The following FOXP2 variants were observed in gnomAD, a reference collection of about 807,000 sequenced individuals.
The protein encoded by FOXP2 is forkhead box P2, also known as forkhead box protein P2.
In FOXP2, 12 loss-of-function variants were observed where a neutral mutation model predicts 115.8. That is an observed-to-expected ratio of 0.10 (90% CI 0.07 to 0.17). The LOEUF (loss-of-function observed/expected upper bound fraction) is 0.17, where lower values mean the gene tolerates loss of function less well. Ranked by LOEUF, FOXP2 falls within the 10% of genes least tolerant of loss-of-function variation. The probability of loss-of-function intolerance (pLI) is 1.00; values close to 1 mark genes in which losing one functional copy is unlikely to be tolerated. For missense variants in FOXP2, 629 were observed against 843.5 expected (o/e 0.75, Z 3.15); for synonymous variants, 328 against 297.7 (o/e 1.10, Z -1.05).
At chr7:114,258,206 C>T (rs762782829) in intron 1 of FOXP2, among the ~76,000 whole-genome samples, 8 of 151,984 alleles carry the variant, frequency 5.3e-5, no homozygotes, top group Non-Finnish European at 1.2e-4. Context: ...GGTAGTGGTG[C>T]AGGTAATGGC....
intron 1 of FOXP2, among the ~76,000 whole-genome samples, chr7:114,420,589 T>C (rs1178574359): frequency 6.6e-6 from 1 of 151,894 alleles, no homozygotes; most frequent in African/African-American, 2.4e-5. Context: ...TCTTTAGTTT[T>C]TAAGTCCTCC....
chr7:114,687,212 T>G (rs1439185349), intron 16 of FOXP2, among the ~76,000 whole-genome samples: 1 of 152,214 alleles, frequency 6.6e-6, no homozygotes, highest in Non-Finnish European at 1.5e-5. Context: ...AACTTCCCTA[T>G]GTTCTACAAA....
At chr7:114,621,631 A>G (rs1032455617) in intron 3 of FOXP2, among the ~76,000 whole-genome samples, 1 of 151,996 alleles carries the variant, frequency 6.6e-6, no homozygotes, top group Non-Finnish European at 1.5e-5. Flanking sequence ...AGAGCATCCT[A>G]ATGATCTGAA....
rs572856161 is a variant in FOXP2, at chr7:114,179,468, G to A, written c.-102+16380G>A. ...CTCAGTATTTTGTTTACTCCTACAT[G>A]CCTTGTTCAAGCCTGTGTTTTCAAT... On this transcript the variant is annotated intron_variant, in intron 1 of 17. Coordinates refer to the FOXP2 transcript ENST00000634411. 8.6e-4 allele frequency among the ~76,000 whole-genome samples: 130 copies of A among 151,940 alleles called. 1 individual carries two copies. Among genetic ancestry groups the A allele is most frequent in the African/African-American group, 3.0e-3 (123 of 41,488 alleles).
At chr7:114,232,797 G>C (rs1362795089) in intron 1 of FOXP2, among the ~76,000 whole-genome samples, 1 of 146,302 alleles carries the variant, frequency 6.8e-6, no homozygotes, top group Non-Finnish European at 1.5e-5. Context: ...TGGGCAAGAA[G>C]AGCGAAACTC....
At chr7:114,167,603 G>T (rs1030370419) in intron 1 of FOXP2, among the ~76,000 whole-genome samples, 25 of 152,012 alleles carry the variant, frequency 1.6e-4, no homozygotes, top group African/African-American at 6.0e-4. Flanking sequence ...TGCTGTTCTC[G>T]TGATGGTGGA....
chr7:114,518,191 T>A (rs1798437485), intron 2 of FOXP2, among the ~76,000 whole-genome samples: 1 of 152,124 alleles, frequency 6.6e-6, no homozygotes, highest in South Asian at 2.1e-4. Flanking sequence ...TTTATACCAA[T>A]GTATATATAA....
At chr7:114,265,955 C>T (rs1795883811) in intron 1 of FOXP2, among the ~76,000 whole-genome samples, 1 of 152,050 alleles carries the variant, frequency 6.6e-6, no homozygotes, top group African/African-American at 2.4e-5. Context: ...GGCCCTAACC[C>T]CCAAATTCAT....
intron 2 of FOXP2, among the ~76,000 whole-genome samples, chr7:114,401,192 T>C (rs1792879771): frequency 6.6e-6 from 1 of 152,158 alleles, no homozygotes; most frequent in Admixed American, 6.5e-5. Flanking sequence ...AGAAGCTTCA[T>C]AGCCTGACTA....
chr7:114,391,091 G>A (rs574637671), intron 2 of FOXP2, among the ~76,000 whole-genome samples: 100 of 152,174 alleles, frequency 6.6e-4, no homozygotes, highest in African/African-American at 2.3e-3. Context: ...GGAGGCTGAG[G>A]CAGGAGAATC....
At chr7:114,604,100 A>G (rs1364619329) in intron 3 of FOXP2, among the ~76,000 whole-genome samples, 1 of 152,152 alleles carries the variant, frequency 6.6e-6, no homozygotes, top group Admixed American at 6.5e-5. Flanking sequence ...AACAACAGAC[A>G]TTTCTCAGTT....
intron 2 of FOXP2, among the ~76,000 whole-genome samples, chr7:114,391,144 G>A (rs558226951): frequency 5.3e-4 from 81 of 151,826 alleles, no homozygotes; most frequent in Non-Finnish European, 9.9e-4. Context: ...CCAAGCTTGT[G>A]CCACTGTACT....
intron 2 of FOXP2, among the ~76,000 whole-genome samples, chr7:114,308,769 C>T (rs774110321): frequency 2.0e-5 from 3 of 151,996 alleles, no homozygotes; most frequent in Admixed American, 6.6e-5. Context: ...GTAGGTGGTC[C>T]GTAAAGCTGA....
At chr7:114,154,113 C>T (rs182714777) in intron 1 of FOXP2, among the ~76,000 whole-genome samples, 1 of 152,056 alleles carries the variant, frequency 6.6e-6, no homozygotes, top group Admixed American at 6.6e-5. Flanking sequence ...GGATAAAGTT[C>T]TTTTATTGCA....
intron 7 of FOXP2, 29 bp from the exon 8 acceptor site, chr7:114,644,656 G>A: frequency 1.3e-6 from 2 of 1,577,626 alleles, no homozygotes; most frequent in Non-Finnish European, 8.7e-7. Context: ...TTTTTGAGAT[G>A]AATCTGACGT....
chr7:114,116,778 G>A (rs1791419067), intron 1 of FOXP2, among the ~76,000 whole-genome samples: 1 of 152,000 alleles, frequency 6.6e-6, no homozygotes, highest in Admixed American at 6.6e-5. Context: ...GTGAATAGAG[G>A]AGATGTGAGG....
At chr7:114,215,390 G>A (rs1794460176) in intron 1 of FOXP2, among the ~76,000 whole-genome samples, 1 of 151,870 alleles carries the variant, frequency 6.6e-6, no homozygotes, top group African/African-American at 2.4e-5. Flanking sequence ...GATTTTTTAT[G>A]GTTTCAAGAT....
chr7:114,209,308 A>G (rs1794284781), intron 1 of FOXP2, among the ~76,000 whole-genome samples: 1 of 152,218 alleles, frequency 6.6e-6, no homozygotes, highest in Non-Finnish European at 1.5e-5. Context: ...CTGTGAGTCA[A>G]TTAAACCTCT....
chr7:114,111,724 G>T (rs1791272528), intron 1 of FOXP2, among the ~76,000 whole-genome samples: 1 of 151,918 alleles, frequency 6.6e-6, no homozygotes, highest in Non-Finnish European at 1.5e-5. Context: ...AATATATCCT[G>T]GTTGGAGGAA....
Sources: gnomAD v4.1 joint callset for allele counts (sites outside exome capture counted in the v4.1 genomes callset) on GRCh38, gnomAD v4.1.1 for gene constraint, MANE v1.5 for transcripts, NCBI Gene and HGNC (gene_info 2026-07-23, HGNC 2026-07-21) for gene names.